GLRX3: variants seen among roughly 807,000 people sequenced by gnomAD.
The protein encoded by GLRX3 is glutaredoxin-3.
A neutral mutation model predicts 49.5 loss-of-function variants in GLRX3; 22 were observed. The observed-to-expected ratio is 0.44, with a 90% CI of 0.32 to 0.63. The LOEUF (loss-of-function observed/expected upper bound fraction) is 0.63. Ranked by LOEUF, GLRX3 falls within the 30% of genes least tolerant of loss-of-function variation. The pLI is 0.05. For missense variants in GLRX3, 385 were observed against 396.3 expected, an observed-to-expected ratio of 0.97 and a Z score of 0.24; for synonymous variants, 133 against 140.0, an observed-to-expected ratio of 0.95 and a Z score of 0.35.
At position 130,177,830 on chromosome 10, in the gene GLRX3, C is replaced by T. The variant is rs570217871; in HGVS notation, c.958-1512C>T. ...TGAATTTCATCCAGAGGAGGTCATA[C>T]GGATTTTAATGGTTTTATTGATTGA... On this transcript the variant is annotated intron_variant, in intron 10 of 10. Coordinates refer to ENST00000331244, the MANE Select transcript of GLRX3 (RefSeq NM_006541.5). 7.9e-5 allele frequency among the ~76,000 whole-genome samples: 12 copies of T among 152,278 alleles called. No individual in the cohort carries two copies. The South Asian group carries it at 8.3e-4, about 11-fold the overall frequency.
chr10:130,148,558 A>G lies in GLRX3; in HGVS notation c.201+3239A>G, dbSNP rs370216153. Among the ~76,000 whole-genome samples, 5 of 150,566 alleles carry G rather than the reference A, an allele frequency of 3.3e-5. No individual in the cohort carries two copies. The East Asian group carries it at 5.8e-4, about 18-fold the overall frequency. On this transcript the variant is annotated intron_variant, in intron 2 of 10. Coordinates refer to ENST00000331244, the MANE Select transcript of GLRX3 (RefSeq NM_006541.5). ...AAAATCATTAAATAAGTGATCATAC[A>G]CTAGATATTTTTAAACAGATTGTAA... is the stretch of plus-strand genomic sequence containing the variant.
chr10:130,141,818 A>G (rs1862181092), intron 1 of GLRX3, among the ~76,000 whole-genome samples: 1 of 152,138 alleles, frequency 6.6e-6, no homozygotes, highest in African/African-American at 2.4e-5. Context: ...TCCTTAGGCA[A>G]TGGACAAAAA....
intron 1 of GLRX3, among the ~76,000 whole-genome samples, chr10:130,138,180 CTGAG>C (rs1187714026): frequency 6.6e-6 from 1 of 152,112 alleles, no homozygotes; most frequent in East Asian, 1.9e-4. Flanking sequence ...CCTCAGCCTC[CTGAG>C]TATCTGGGAC....
intron 7 of GLRX3, among the ~76,000 whole-genome samples, chr10:130,171,072 G>A (rs1862797399): frequency 6.7e-6 from 1 of 150,144 alleles, no homozygotes; most frequent in Non-Finnish European, 1.5e-5. Context: ...ACATTGCAGT[G>A]AGCCGAGATC....
chr10:130,173,277 C>T (rs572129652), intron 8 of GLRX3, among the ~76,000 whole-genome samples: 1 of 152,272 alleles, frequency 6.6e-6, no homozygotes, highest in South Asian at 2.1e-4. Context: ...TCTGTCTAAT[C>T]TCCATTGTAT....
intron 6 of GLRX3, 62 bp downstream of exon 6, chr10:130,167,042 CCT>C: frequency 1.1e-6 from 1 of 877,712 alleles, no homozygotes. Flanking sequence ...ATTTTAAAGT[CCT>C]CAGGTTTTGC....
intron 1 of GLRX3, among the ~76,000 whole-genome samples, chr10:130,137,395 A>G (rs1259874082): frequency 6.6e-6 from 1 of 152,116 alleles, no homozygotes; most frequent in Non-Finnish European, 1.5e-5. Flanking sequence ...ATACCACCTC[A>G]CATTGTAGAC....
chr10:130,179,312 C>T, intron 10 of GLRX3, 30 bp from the exon 11 acceptor site: 1 of 1,013,990 alleles, frequency 9.9e-7, no homozygotes, highest in Non-Finnish European at 1.5e-6. Context: ...TATGCATATA[C>T]ATATTATTAT....
At chr10:130,155,635 G>A (rs1862457618) in intron 2 of GLRX3, among the ~76,000 whole-genome samples, 1 of 152,184 alleles carries the variant, frequency 6.6e-6, no homozygotes, top group Non-Finnish European at 1.5e-5. Context: ...TTTAGTGAGA[G>A]GTGTTTGATA....
intron 6 of GLRX3, among the ~76,000 whole-genome samples, chr10:130,167,991 G>GT (rs1387747728): frequency 5.3e-5 from 8 of 152,124 alleles, no homozygotes; most frequent in Non-Finnish European, 1.0e-4. Flanking sequence ...AGACAGCTGT[G>GT]TTTTTTATAT....
At chr10:130,147,037 T>G (rs1274782039) in intron 2 of GLRX3, among the ~76,000 whole-genome samples, 1 of 152,254 alleles carries the variant, frequency 6.6e-6, no homozygotes, top group African/African-American at 2.4e-5. Context: ...GTATTAATTT[T>G]GTATGAATCC....
chr10:130,164,235 C>T (rs1862638150), intron 4 of GLRX3, among the ~76,000 whole-genome samples: 1 of 152,138 alleles, frequency 6.6e-6, no homozygotes, highest in African/African-American at 2.4e-5. Flanking sequence ...CTCTGTGCTC[C>T]TCATGAAGAT....
intron 7 of GLRX3, among the ~76,000 whole-genome samples, chr10:130,170,911 G>A (rs1207372049): frequency 1.3e-5 from 2 of 152,064 alleles, no homozygotes; most frequent in Non-Finnish European, 2.9e-5. Context: ...AGGCAGGTCC[G>A]AGGTCAAGAG....
chr10:130,157,242 G>A (rs1364615683), intron 2 of GLRX3, among the ~76,000 whole-genome samples: 4 of 151,844 alleles, frequency 2.6e-5, no homozygotes, highest in Non-Finnish European at 5.9e-5. Context: ...GAACCTGGGG[G>A]CCGCTGGTGC....
intron 2 of GLRX3, among the ~76,000 whole-genome samples, chr10:130,153,893 C>T (rs1383553890): frequency 6.6e-6 from 1 of 152,160 alleles, no homozygotes; most frequent in African/African-American, 2.4e-5. Flanking sequence ...TGCCCTGCCC[C>T]CAGAGGTGGA....
At chr10:130,162,074 G>T (rs1862586223) in intron 4 of GLRX3, among the ~76,000 whole-genome samples, 1 of 152,150 alleles carries the variant, frequency 6.6e-6, no homozygotes, top group Non-Finnish European at 1.5e-5. Flanking sequence ...TCTACTAGGG[G>T]TCAAGCGATT....
chr10:130,150,939 T>G lies in GLRX3; in HGVS notation c.201+5620T>G, dbSNP rs575063104. 8.6e-5 allele frequency among the ~76,000 whole-genome samples: 13 copies of G among 151,944 alleles called. No homozygotes were observed. The East Asian group carries it at 2.3e-3, about 27-fold the overall frequency. The stretch of plus-strand genomic sequence containing the variant: ...AATTCTGGTAGAATTGTTTTTTTTT[T>G]TTTTTTGAGACAGAGTCTCACTGTG... On this transcript the variant is annotated intron_variant, in intron 2 of 10. Transcript: ENST00000331244.
At chr10:130,161,445 A>G (rs183075339) in intron 4 of GLRX3, among the ~76,000 whole-genome samples, 1 of 152,124 alleles carries the variant, frequency 6.6e-6, no homozygotes. Context: ...AATTTGCGGA[A>G]TTTTTCAGTG....
intron 2 of GLRX3, among the ~76,000 whole-genome samples, chr10:130,148,919 C>G (rs1862319342): frequency 6.6e-6 from 1 of 151,974 alleles, no homozygotes; most frequent in African/African-American, 2.4e-5. Context: ...ATTTAAAAAA[C>G]TAGCTGTGTA....
Sources: allele counts gnomAD v4.1 joint callset (sites outside exome capture counted in the v4.1 genomes callset), GRCh38; gene constraint gnomAD v4.1.1; transcripts MANE v1.5; gene names NCBI Gene and HGNC (gene_info 2026-07-23, HGNC 2026-07-21).